CDH9: variants seen among roughly 807,000 people sequenced by gnomAD.
CDH9 encodes cadherin-9.
Under a neutral mutation model 70.9 loss-of-function variants are expected in CDH9, and 28 were observed. The ratio of observed to expected loss-of-function variants is 0.40; its 90% confidence interval spans 0.29 to 0.54. CDH9 has a LOEUF of 0.54. Among genes scored for constraint, CDH9 ranks in the 20% least tolerant of loss-of-function variants. The pLI, the probability that CDH9 is intolerant of heterozygous loss-of-function variation, is 0.59. For missense variants in CDH9, 874 were observed against 984.4 expected, an observed-to-expected ratio of 0.89 and a Z score of 1.50; for synonymous variants, 409 against 343.1, an observed-to-expected ratio of 1.19 and a Z score of -2.12.
Position 26,881,268 on chromosome 5 carries a change from T to C in CDH9, c.2238A>G (p.Ile746Met). The change falls in exon 12 of 12, where the codon ATA becomes ATG. Residue 746 changes from isoleucine to methionine, a missense_variant. Coordinates refer to ENST00000231021, the MANE Select transcript of CDH9 (RefSeq NM_016279.4). ...ATTCCAAAGAACTGAGCGAATCTGCTATGGAATCATTCCCTTCATAGGCAT... is the reference window on the plus strand; with the variant it reads ...ATTCCAAAGAACTGAGCGAATCTGCCATGGAATCATTCCCTTCATAGGCAT... ...ATYAYEGNDS[I>M]ADSLSSLESL... 6.2e-7 allele frequency: 1 copy of C among 1,613,572 alleles called. No individual in the cohort carries two copies. The highest frequency in any genetic ancestry group is 8.5e-7 in the Non-Finnish European group (1 of 1,179,598).
chr5:26,981,944 A>G (rs994206550), intron 2 of CDH9, among the ~76,000 whole-genome samples: 3 of 151,776 alleles, frequency 2.0e-5, no homozygotes, highest in African/African-American at 7.3e-5. Context: ...TCATAATGAC[A>G]TCATCATCAT....
intron 1 of CDH9, among the ~76,000 whole-genome samples, chr5:27,037,972 TAAAG>T (rs1561049532): frequency 2.0e-5 from 3 of 151,942 alleles, no homozygotes; most frequent in African/African-American, 7.2e-5. Flanking sequence ...ATATTGAAAA[TAAAG>T]AAAGCATTTC....
chr5:26,927,430 C>G (rs559584798), intron 2 of CDH9, among the ~76,000 whole-genome samples: 1 of 151,872 alleles, frequency 6.6e-6, no homozygotes, highest in South Asian at 2.1e-4. Flanking sequence ...GCATCCAATG[C>G]GGATGCCATT....
At chr5:26,950,601 G>A (rs941301298) in intron 2 of CDH9, among the ~76,000 whole-genome samples, 13 of 152,036 alleles carry the variant, frequency 8.6e-5, no homozygotes, top group African/African-American at 1.2e-4. Flanking sequence ...CATCAGTGAC[G>A]ATTTTTAATA....
At chr5:26,902,324 C>A (rs1740869649) in intron 7 of CDH9, 152 bp downstream of exon 7, 1 of 601,014 alleles carries the variant, frequency 1.7e-6, no homozygotes. Flanking sequence ...ATACATTGTG[C>A]AACCATTTTT....
At chr5:26,904,203 TA>T (rs879789757) in intron 5 of CDH9, among the ~76,000 whole-genome samples, 11 of 152,082 alleles carry the variant, frequency 7.2e-5, no homozygotes, top group Admixed American at 3.9e-4. Context: ...TGTATTCAAT[TA>T]TTTTTTTTAA....
intron 1 of CDH9, among the ~76,000 whole-genome samples, chr5:27,021,392 T>A (rs2112125718): frequency 6.6e-6 from 1 of 151,962 alleles, no homozygotes; most frequent in South Asian, 2.1e-4. Context: ...AAAAATATAT[T>A]ACAAAAGTTG....
intron 2 of CDH9, among the ~76,000 whole-genome samples, chr5:26,941,798 T>C (rs1741666225): frequency 6.6e-6 from 1 of 152,184 alleles, no homozygotes; most frequent in African/African-American, 2.4e-5. Context: ...CTTATAACGG[T>C]CAAGGAAACT....
intron 1 of CDH9, among the ~76,000 whole-genome samples, chr5:26,994,564 TTTTG>T (rs1485237621): frequency 6.6e-6 from 1 of 150,990 alleles, no homozygotes; most frequent in Non-Finnish European, 1.5e-5. Context: ...TGTTTGTTTG[TTTTG>T]TTTTTTTTTG....
Position 26,885,992 on chromosome 5 carries a change from G to A in CDH9, c.1604C>T (p.Pro535Leu). The A allele has an allele frequency of 1.9e-6, 3 of 1,610,894 alleles. No individual in the cohort carries two copies. Among genetic ancestry groups the A allele is most frequent in the Non-Finnish European group, 2.5e-6 (3 of 1,178,984 alleles). The change falls in exon 10 of 12, where the codon CCG (proline) becomes CTG (leucine). Residue 535 changes from proline (P) to leucine (L), a missense_variant. By Grantham distance (98) the Pro-to-Leu change is moderately conservative. Transcript: ENST00000231021. ...FEPVPEFTLN[P>L]NFTIVDNKDN... ...TTTATTATCTACAATGGTGAAATTC[G>A]GATTGAGAGTAAATTCTGGCACTGG...
chr5:26,992,076 T>G (rs1193136808), intron 1 of CDH9, among the ~76,000 whole-genome samples: 1 of 152,132 alleles, frequency 6.6e-6, no homozygotes, highest in Non-Finnish European at 1.5e-5. Flanking sequence ...CACTGGATTC[T>G]CATAAGCAGC....
chr5:26,981,949 C>G (rs1398794933), intron 2 of CDH9, among the ~76,000 whole-genome samples: 1 of 152,066 alleles, frequency 6.6e-6, no homozygotes, highest in African/African-American at 2.4e-5. Flanking sequence ...ATGACATCAT[C>G]ATCATCATCA....
chr5:26,975,262 G>A (rs78296971), intron 2 of CDH9, among the ~76,000 whole-genome samples: 10 of 152,196 alleles, frequency 6.6e-5, no homozygotes, highest in Admixed American at 2.0e-4. Context: ...TTTACATACC[G>A]CCAAAGCAGA....
chr5:26,989,608 A>G (rs1278862263), intron 1 of CDH9, among the ~76,000 whole-genome samples: 1 of 151,768 alleles, frequency 6.6e-6, no homozygotes, highest in Non-Finnish European at 1.5e-5. Context: ...GGGTGATAAT[A>G]TCTCCTGAAT....
intron 2 of CDH9, among the ~76,000 whole-genome samples, chr5:26,925,253 G>A (rs183814165): frequency 6.6e-6 from 1 of 152,108 alleles, no homozygotes; most frequent in Admixed American, 6.6e-5. Flanking sequence ...TCTAACTGGT[G>A]TGAGATAGTA....
intron 2 of CDH9, among the ~76,000 whole-genome samples, chr5:26,972,617 G>T (rs1003697427): frequency 6.6e-6 from 1 of 152,042 alleles, no homozygotes; most frequent in African/African-American, 2.4e-5. Context: ...GTGGACATAC[G>T]CAGTTAAATC....
At chr5:26,974,079 T>C (rs912654592) in intron 2 of CDH9, among the ~76,000 whole-genome samples, 2 of 152,050 alleles carry the variant, frequency 1.3e-5, no homozygotes, top group Admixed American at 1.3e-4. Flanking sequence ...ACCTCGTCTC[T>C]ACTAAAACAC....
intron 2 of CDH9, among the ~76,000 whole-genome samples, chr5:26,939,548 T>C (rs1049645191): frequency 1.3e-5 from 2 of 151,826 alleles, no homozygotes; most frequent in African/African-American, 4.8e-5. Flanking sequence ...ATAGATGATG[T>C]TGGGAAGCAA....
At chr5:27,008,263 G>A (rs1742900959) in intron 1 of CDH9, among the ~76,000 whole-genome samples, 1 of 152,060 alleles carries the variant, frequency 6.6e-6, no homozygotes, top group South Asian at 2.1e-4. Flanking sequence ...TGGGAGGCGG[G>A]TGGATCACTT....
Sources: allele counts gnomAD v4.1 joint callset (sites outside exome capture counted in the v4.1 genomes callset), GRCh38; gene constraint gnomAD v4.1.1; transcripts MANE v1.5; gene names NCBI Gene and HGNC (gene_info 2026-07-23, HGNC 2026-07-21).